The following TTC39A variants were observed in gnomAD, a reference collection of about 807,000 sequenced individuals.
TTC39A encodes tetratricopeptide repeat domain 39A, also known as tetratricopeptide repeat protein 39A.
In TTC39A, 46 loss-of-function variants were observed where a neutral mutation model predicts 82.3. That is an observed-to-expected ratio of 0.56 (90% CI 0.44 to 0.71). TTC39A has a LOEUF of 0.71. Ranked by LOEUF, TTC39A falls within the 30% of genes least tolerant of loss-of-function variation. TTC39A has a pLI of 0.00. For missense variants in TTC39A, 543 were observed against 712.9 expected (o/e 0.76, Z 2.71); for synonymous variants, 254 against 275.2 (o/e 0.92, Z 0.76).
intron 7 of TTC39A, chr1:51,305,560 C>A: frequency 3.2e-6 from 1 of 310,838 alleles, no homozygotes; most frequent in Non-Finnish European, 6.1e-6. Context: ...CCACTCCATG[C>A]AGGAACAAGA....
At chr1:51,308,855 C>T (rs548775349) in intron 6 of TTC39A, among the ~76,000 whole-genome samples, 1 of 152,176 alleles carries the variant, frequency 6.6e-6, no homozygotes, top group Admixed American at 6.5e-5. Context: ...TTCCTGTATA[C>T]TAGAGGGGTT....
chr1:51,319,839 C>T (rs1461391949), intron 2 of TTC39A, among the ~76,000 whole-genome samples: 5 of 151,806 alleles, frequency 3.3e-5, no homozygotes, highest in Admixed American at 6.6e-5. Context: ...TACAGGCACT[C>T]GCCACCATGC....
chr1:51,289,264 T>C (rs17106494), intron 16 of TTC39A, among the ~76,000 whole-genome samples: 3,165 of 152,304 alleles, frequency 0.021, 91 homozygotes, highest in African/African-American at 0.064. Flanking sequence ...CTCCATGCTG[T>C]CCTGGAGATA....
At chr1:51,310,964 T>C (rs545944922) in intron 5 of TTC39A, among the ~76,000 whole-genome samples, 1 of 152,346 alleles carries the variant, frequency 6.6e-6, no homozygotes, top group South Asian at 2.1e-4. Context: ...AGACAATGCC[T>C]ATCACCCCCA....
chr1:51,309,253 C>A lies in TTC39A; in HGVS notation c.488+8G>T. The A allele has an allele frequency of 1.2e-6, 2 of 1,603,362 alleles. No homozygotes were observed. The highest frequency in any genetic ancestry group is 2.2e-5 in the South Asian group (2 of 88,938). On this transcript the variant is annotated splice_region_variant and intron_variant, in intron 6 of 17. Coordinates refer to ENST00000680483, the MANE Select transcript of TTC39A (RefSeq NM_001297663.2). Reference sequence around the variant, plus strand: ...TCTCCCCACAAGCGGATGGCCAGCCCCACTCACTTGTAGGTCTGGTAGCTG... The same window carrying A: ...TCTCCCCACAAGCGGATGGCCAGCCACACTCACTTGTAGGTCTGGTAGCTG...
intron 14 of TTC39A, among the ~76,000 whole-genome samples, chr1:51,292,464 T>C (rs1328568199): frequency 6.6e-6 from 1 of 152,182 alleles, no homozygotes; most frequent in Non-Finnish European, 1.5e-5. Context: ...AGGGTCTCAC[T>C]CTGTCACCCA....
upstream of TTC39A, chr1:51,331,273 C>A: frequency 6.5e-7 from 1 of 1,548,436 alleles, no homozygotes; most frequent in Non-Finnish European, 8.7e-7. Context: ...GGGGGTCACC[C>A]ACAACGCTCC....
At chr1:51,323,761 T>C (rs1388002207) in intron 1 of TTC39A, among the ~76,000 whole-genome samples, 2 of 152,250 alleles carry the variant, frequency 1.3e-5, no homozygotes, top group African/African-American at 2.4e-5. Context: ...TTTGGGGTAG[T>C]ATTATGTTCC....
At chr1:51,312,076 A>C (rs7521849) in intron 4 of TTC39A, 43 bp downstream of exon 4, 4 of 1,584,250 alleles carry the variant, frequency 2.5e-6, no homozygotes, top group African/African-American at 1.3e-5. Context: ...GGAGCTGGCC[A>C]CCTGGGCTTA....
upstream of TTC39A, among the ~76,000 whole-genome samples, chr1:51,332,377 C>T (rs1293162925): frequency 6.6e-6 from 1 of 152,250 alleles, no homozygotes; most frequent in Non-Finnish European, 1.5e-5. Flanking sequence ...TCTCATCCCA[C>T]AGCCTCCCGA....
rs1644051144 is a variant in TTC39A at position 51,287,978 on chromosome 1, G to A, written c.*179C>T. ...TGCTCTGCCCTTGGCAAAGGCCCTT[G>A]GCTACACTGGTGAAAATGCCAGCTC... is the stretch of plus-strand genomic sequence containing the variant. On this transcript the variant is annotated 3_prime_UTR_variant, in exon 18 of 18. Transcript: ENST00000680483. The A allele has an allele frequency of 9.8e-7, 1 of 1,020,334 alleles. No homozygotes were observed. The highest frequency in any genetic ancestry group is 1.4e-6 in the Non-Finnish European group (1 of 719,934). The allele number at this position is 1,020,334 out of a possible 1,614,324, so 63.2% of individuals were successfully genotyped here. A position where few individuals can be genotyped will look rare whatever the true frequency, so the allele number is the denominator to read the frequency against.
At chr1:51,343,596 T>G (rs189775687) in intron 1 of TTC39A, among the ~76,000 whole-genome samples, 1 of 152,322 alleles carries the variant, frequency 6.6e-6, no homozygotes, top group East Asian at 1.9e-4. Context: ...TGTCTACTTG[T>G]TTATGTCTCT....
Position 51,312,205 on chromosome 1 carries a change from A to G in TTC39A, c.279-10T>C. On this transcript the variant is annotated splice_polypyrimidine_tract_variant and intron_variant, in intron 3 of 17. Coordinates refer to ENST00000680483, the MANE Select transcript of TTC39A (RefSeq NM_001297663.2). ...AGACTTCCTCCGGTGCCTGAAGAGG[A>G]AAAAGAGGGGCCTCAGGTGAGGATT... 6.2e-7 allele frequency: 1 copy of G among 1,600,124 alleles called. No individual in the cohort carries two copies. The highest frequency in any genetic ancestry group is 8.5e-7 in the Non-Finnish European group (1 of 1,173,308).
chr1:51,303,008 G>T lies in TTC39A; in HGVS notation c.763+76C>A, dbSNP rs191762418. On this transcript the variant is annotated intron_variant, in intron 9 of 17. Coordinates refer to ENST00000680483, the MANE Select transcript of TTC39A (RefSeq NM_001297663.2). ...ATCCCTAGCCACAGGGCATGAACAG[G>T]GTCTGTAGCCCCTCGTTCTCCTTCC... The T allele has an allele frequency of 4.1e-3, 5,322 of 1,311,940 alleles. 20 individuals are homozygous for T. The highest frequency in any genetic ancestry group is 7.1e-3 in the African/African-American group (489 of 68,522). The allele number at this position is 1,311,940 out of a possible 1,614,324, so 81.3% of individuals were successfully genotyped here.
intron 1 of TTC39A, among the ~76,000 whole-genome samples, chr1:51,337,424 ATTTTTTTTT>A (rs1017474435): frequency 7.6e-6 from 1 of 132,104 alleles, no homozygotes; most frequent in Non-Finnish European, 1.6e-5. Flanking sequence ...ATTCTGTTTA[ATTTTTTTTT>A]TTTTTTTTTT....
intron 7 of TTC39A, chr1:51,305,545 T>G (rs1404652316): frequency 6.6e-6 from 2 of 305,238 alleles, no homozygotes; most frequent in Non-Finnish European, 1.3e-5. Context: ...GTAGGAAACC[T>G]TCCCCCACTC....
At chr1:51,331,413 C>T (rs552171022), upstream of TTC39A, 108 of 1,446,956 alleles carry the variant, frequency 7.5e-5, no homozygotes, top group African/African-American at 1.4e-3. Context: ...TGCTCTTAAC[C>T]ATGACTCATC....
At chr1:51,308,674 C>T (rs989726778) in intron 6 of TTC39A, among the ~76,000 whole-genome samples, 3 of 152,188 alleles carry the variant, frequency 2.0e-5, no homozygotes, top group African/African-American at 7.2e-5. Flanking sequence ...ATGTTCCAAA[C>T]GGAATCTTCA....
intron 16 of TTC39A, among the ~76,000 whole-genome samples, chr1:51,289,409 T>A (rs908209854): frequency 6.6e-6 from 1 of 152,130 alleles, no homozygotes; most frequent in African/African-American, 2.4e-5. Flanking sequence ...ATCTTTTCTC[T>A]CTATGACTTC....
Sources: allele counts gnomAD v4.1 joint callset (sites outside exome capture counted in the v4.1 genomes callset), GRCh38; gene constraint gnomAD v4.1.1; transcripts MANE v1.5; gene names NCBI Gene and HGNC (gene_info 2026-07-23, HGNC 2026-07-21).